The following PPA2 variants were observed in gnomAD, a reference collection of about 807,000 sequenced individuals.
PPA2 encodes the protein inorganic pyrophosphatase 2, mitochondrial.
In PPA2, 48 loss-of-function variants were observed where a neutral mutation model predicts 49.5. That is an observed-to-expected ratio of 0.97 (90% CI 0.77 to 1.23). The LOEUF (loss-of-function observed/expected upper bound fraction) is 1.23, where lower values mean the gene tolerates loss of function less well. Ranked by LOEUF, PPA2 falls within the 50% of genes most tolerant of loss-of-function variation. PPA2 has a pLI of 0.00. For missense variants in PPA2, 429 were observed against 410.1 expected (o/e 1.05, Z -0.40); for synonymous variants, 131 against 139.9 (o/e 0.94, Z 0.45).
chr4:105,389,529 A>G (rs1484273727), intron 9 of PPA2, among the ~76,000 whole-genome samples: 1 of 151,910 alleles, frequency 6.6e-6, no homozygotes, highest in Non-Finnish European at 1.5e-5. Flanking sequence ...AATTGTATAA[A>G]TGTTACATGA....
At chr4:105,406,223 G>A (rs989418277) in intron 7 of PPA2, among the ~76,000 whole-genome samples, 3 of 151,278 alleles carry the variant, frequency 2.0e-5, no homozygotes, top group Admixed American at 6.6e-5. Context: ...AAAAAACAGG[G>A]AAGTAGAAGA....
intron 1 of PPA2, among the ~76,000 whole-genome samples, chr4:105,460,045 T>A (rs115418244): frequency 0.033 from 5,005 of 152,258 alleles, 269 homozygotes; most frequent in African/African-American, 0.11. Flanking sequence ...AATTTTACTG[T>A]AGGTAATTTT....
chr4:105,450,355 G>T (rs943181248), intron 3 of PPA2, among the ~76,000 whole-genome samples: 17 of 151,546 alleles, frequency 1.1e-4, no homozygotes, highest in African/African-American at 3.9e-4. Context: ...ATAAAAAATT[G>T]GAATCTGAAT....
intron 3 of PPA2, among the ~76,000 whole-genome samples, chr4:105,449,730 G>A (rs372255723): frequency 6.6e-6 from 1 of 152,194 alleles, no homozygotes; most frequent in African/African-American, 2.4e-5. Context: ...ATAGAAGTGA[G>A]AGAACCAGTC....
chr4:105,449,546 A>C (rs1048976733), intron 3 of PPA2, 143 bp from the exon 4 acceptor site: 10 of 503,468 alleles, frequency 2.0e-5, no homozygotes, highest in Admixed American at 1.6e-4. Flanking sequence ...CCTATGCCTT[A>C]AATTTTTTCT....
At chr4:105,427,662 A>G (rs1326964257) in intron 6 of PPA2, among the ~76,000 whole-genome samples, 4 of 152,188 alleles carry the variant, frequency 2.6e-5, no homozygotes, top group African/African-American at 9.7e-5. Context: ...AAGAGTGAAA[A>G]GAAAGGAACA....
intron 7 of PPA2, chr4:105,423,079 A>C (rs77898288): frequency 6.6e-6 from 1 of 152,302 alleles, no homozygotes; most frequent in African/African-American, 2.4e-5. Context: ...GAAAAGTATA[A>C]AAATAGAAAA....
At chr4:105,374,967 C>T (rs551614883) in intron 10 of PPA2, among the ~76,000 whole-genome samples, 12 of 151,214 alleles carry the variant, frequency 7.9e-5, no homozygotes, top group Non-Finnish European at 1.3e-4. Flanking sequence ...GCTGGGATTA[C>T]AGGTGTGAGC....
chr4:105,461,598 G>A (rs555768820), intron 1 of PPA2, among the ~76,000 whole-genome samples: 6 of 152,278 alleles, frequency 3.9e-5, no homozygotes, highest in Non-Finnish European at 7.4e-5. Flanking sequence ...CATTCCAGTC[G>A]TGGCCAAGAA....
chr4:105,388,982 C>T (rs1014740573), intron 9 of PPA2, among the ~76,000 whole-genome samples: 3 of 152,040 alleles, frequency 2.0e-5, no homozygotes, highest in African/African-American at 7.2e-5. Context: ...GCTCTTCTAT[C>T]AGCTAAAAAC....
intron 5 of PPA2, among the ~76,000 whole-genome samples, chr4:105,442,367 G>A (rs1724411383): frequency 6.6e-6 from 1 of 152,158 alleles, no homozygotes; most frequent in African/African-American, 2.4e-5. Context: ...AACAGGCCTA[G>A]AGAGATTTAG....
chr4:105,461,467 TC>T (rs2110324509), intron 1 of PPA2, among the ~76,000 whole-genome samples: 1 of 152,322 alleles, frequency 6.6e-6, no homozygotes, highest in Admixed American at 6.5e-5. Context: ...AGTCAGACTT[TC>T]GGTTGGTATC....
chr4:105,376,369 A>G (rs1733251647), intron 10 of PPA2, among the ~76,000 whole-genome samples: 1 of 152,214 alleles, frequency 6.6e-6, no homozygotes, highest in African/African-American at 2.4e-5. Flanking sequence ...AAGATCTACC[A>G]AATGTAGCAA....
intron 4 of PPA2, chr4:105,448,169 A>T: frequency 3.3e-6 from 1 of 299,684 alleles, no homozygotes; most frequent in South Asian, 2.9e-5. Context: ...ATTCTCATAG[A>T]TCCTTGCATC....
chr4:105,470,786 C>T (rs1026128457), intron 1 of PPA2, among the ~76,000 whole-genome samples: 5 of 152,178 alleles, frequency 3.3e-5, no homozygotes, highest in East Asian at 3.8e-4. Context: ...ATTTTATTTA[C>T]GGAGAAACTG....
intron 8 of PPA2, among the ~76,000 whole-genome samples, chr4:105,397,605 G>T (rs559171723): frequency 6.6e-6 from 1 of 152,118 alleles, no homozygotes; most frequent in Non-Finnish European, 1.5e-5. Context: ...AATTTGATCC[G>T]CAGTGTTGGA....
At chr4:105,408,993 G>C (rs1722616065) in intron 7 of PPA2, among the ~76,000 whole-genome samples, 1 of 152,220 alleles carries the variant, frequency 6.6e-6, no homozygotes, top group Admixed American at 6.5e-5. Context: ...TGACGCAAAA[G>C]ATGGGTGATA....
intron 11 of PPA2, 121 bp from the exon 12 acceptor site, chr4:105,369,874 G>A (rs1250026359): frequency 1.1e-6 from 1 of 904,518 alleles, no homozygotes; most frequent in Admixed American, 1.9e-5. Flanking sequence ...ACAGTCATAA[G>A]CTATCTAAAG....
At chr4:105,473,424 G>A in intron 1 of PPA2, 1 of 374,380 alleles carries the variant, frequency 2.7e-6, no homozygotes, top group Non-Finnish European at 5.2e-6. Context: ...GCAAAGTTCC[G>A]CCTGCCTCTC....
Sources: gnomAD v4.1 joint callset for allele counts (sites outside exome capture counted in the v4.1 genomes callset) on GRCh38, gnomAD v4.1.1 for gene constraint, MANE v1.5 for transcripts, NCBI Gene and HGNC (gene_info 2026-07-23, HGNC 2026-07-21) for gene names.